Variants in AGAP1 observed in about 807,000 individuals in gnomAD.
The protein encoded by AGAP1 is arf-GAP with GTPase, ANK repeat and PH domain-containing protein 1.
Under a neutral mutation model 105.3 loss-of-function variants are expected in AGAP1, and 29 were observed. That is an observed-to-expected ratio of 0.28 (90% confidence interval 0.21 to 0.38). The LOEUF (loss-of-function observed/expected upper bound fraction) is 0.38. Ranked by LOEUF, AGAP1 falls within the 10% of genes least tolerant of loss-of-function variation. The pLI, the probability that AGAP1 is intolerant of heterozygous loss-of-function variation, is 1.00. For synonymous variants in AGAP1, 509 were observed against 485.9 expected (o/e 1.05, Z -0.63); for missense variants, 998 against 1,165.1 (o/e 0.86, Z 2.09).
At position 236,036,757 on chromosome 2, in the gene AGAP1, A is replaced by AG. The variant is rs2057395001; in HGVS notation, c.1800+47dup. 2 of 1,611,310 alleles carry AG rather than the reference A, an allele frequency of 1.2e-6. No homozygotes were observed. Among genetic ancestry groups the AG allele is most frequent in the Non-Finnish European group, 1.7e-6 (2 of 1,178,970 alleles). On this transcript the variant is annotated intron_variant, in intron 14 of 17. Coordinates refer to ENST00000304032, the MANE Select transcript of AGAP1 (RefSeq NM_001037131.3). This position sits in a 1 kb window ranked among gnomAD's most constrained non-coding sequence, Gnocchi z 5.7. ...CCCAAAACCAAGGCTGGGGCTGCTC[A>AG]GGGGGAGTGCGGGCCCCAAGTAATG...
In AGAP1 at chr2:235,612,466, C is replaced by A. The variant is rs988380047; in HGVS notation, c.164-96713C>A. 6.6e-6 allele frequency among the ~76,000 whole-genome samples: 1 copy of A among 152,238 alleles called. No individual in the cohort carries two copies. The highest frequency in any genetic ancestry group is 2.4e-5 in the African/African-American group (1 of 41,466). ...GGGGCAGCGCCTAGAGTGCTGGGCC[C>A]TTCCAGATGATCTATGAATTGGTCT... On this transcript the variant is annotated intron_variant, in intron 1 of 17. Coordinates refer to ENST00000304032, the MANE Select transcript of AGAP1 (RefSeq NM_001037131.3). The surrounding 1 kb of genome is among the most constrained non-coding windows in gnomAD (Gnocchi z 4.3).
intron 1 of AGAP1, among the ~76,000 whole-genome samples, chr2:235,516,878 G>A (rs554006277): frequency 1.3e-5 from 2 of 152,312 alleles, no homozygotes; most frequent in Admixed American, 1.3e-4. Context: ...TTCTTTGGTT[G>A]CCCTCTGCAA....
Position 235,620,662 on chromosome 2 carries a change from C to T in AGAP1, c.164-88517C>T, listed in dbSNP as rs1053198561. On this transcript the variant is annotated intron_variant, in intron 1 of 17. Transcript: ENST00000304032. This position sits in a 1 kb window ranked among gnomAD's most constrained non-coding sequence, Gnocchi z 4.5. ...CTGCTTCCTATTTCCCCATAAACCC[C>T]AGCTCCCTGACATGTCTGGTGTCTC... 6.6e-6 allele frequency among the ~76,000 whole-genome samples: 1 copy of T among 152,156 alleles called. No homozygotes were observed. Among genetic ancestry groups the T allele is most frequent in the Non-Finnish European group, 1.5e-5 (1 of 68,038 alleles).
intron 11 of AGAP1, among the ~76,000 whole-genome samples, chr2:235,913,414 A>G (rs2051716971): frequency 6.6e-6 from 1 of 152,198 alleles, no homozygotes; most frequent in Non-Finnish European, 1.5e-5. Context: ...ATTCAAATAA[A>G]TAATCAACTG....
At chr2:235,838,165 G>A (rs185611879) in intron 9 of AGAP1, among the ~76,000 whole-genome samples, 1 of 152,128 alleles carries the variant, frequency 6.6e-6, no homozygotes, top group African/African-American at 2.4e-5. Context: ...CAGCCTGGGT[G>A]GCAGAGTGAG....
At chr2:235,630,419 C>T (rs1265382128) in intron 1 of AGAP1, among the ~76,000 whole-genome samples, 1 of 152,160 alleles carries the variant, frequency 6.6e-6, no homozygotes, top group Non-Finnish European at 1.5e-5. Flanking sequence ...CCATGTTGAT[C>T]AGGCTGGTCT....
At position 235,721,500 on chromosome 2, in the gene AGAP1, TGTGTACACCTAG is replaced by T. The variant is rs1454808395; in HGVS notation, c.310+3861_310+3872del. ...TTATGTGTGTGTGTGTGTGTGTGTG[TGTGTACACCTAG>T]GTGTGTAATATATGTATGTGTACTT... On this transcript the variant is annotated intron_variant, in intron 3 of 17. Transcript: ENST00000304032. This position sits in a 1 kb window ranked among gnomAD's most constrained non-coding sequence, Gnocchi z 4.5. Among the ~76,000 whole-genome samples, 1 of 151,878 alleles carries T rather than the reference TGTGTACACCTAG, an allele frequency of 6.6e-6. No individual in the cohort carries two copies. The highest frequency in any genetic ancestry group is 1.5e-5 in the Non-Finnish European group (1 of 67,970).
intron 16 of AGAP1, among the ~76,000 whole-genome samples, chr2:236,108,783 C>T (rs1417586511): frequency 1.3e-5 from 2 of 151,952 alleles, no homozygotes; most frequent in African/African-American, 2.4e-5. Context: ...CCCCCCAGAG[C>T]GCCCCAGCCC....
chr2:235,590,686 CGTGTGCGTGTGTGTGTGTGTGTGTGT>C (rs1945301251), intron 1 of AGAP1, among the ~76,000 whole-genome samples: 1 of 49,012 alleles, frequency 2.0e-5, no homozygotes, highest in Non-Finnish European at 4.1e-5. Flanking sequence ...TGTGTGTGTG[CGTGTGCGTGTGTGTGTGTGTGTGTGT>C]GCATTTTTTT....
At chr2:236,011,835 G>A (rs1576053368) in intron 13 of AGAP1, among the ~76,000 whole-genome samples, 2 of 152,040 alleles carry the variant, frequency 1.3e-5, no homozygotes, top group Non-Finnish European at 1.5e-5. Flanking sequence ...CCAGAGGGAG[G>A]CTGCCAGTGG....
rs555068677 is a variant in AGAP1 at position 235,793,677 on chromosome 2, G to C, written c.674-4082G>C. ...CAAAAAGGAGGAAGGGGGAGGAGGA[G>C]GAGCTGTCCTCTGGTTATAGAGGGC... On this transcript the variant is annotated intron_variant, in intron 6 of 17. Transcript: ENST00000304032. The surrounding 1 kb of genome is among the most constrained non-coding windows in gnomAD (Gnocchi z 5.3). 6.6e-6 allele frequency among the ~76,000 whole-genome samples: 1 copy of C among 152,166 alleles called. No homozygotes were observed. Among genetic ancestry groups the C allele is most frequent in the African/African-American group, 2.4e-5 (1 of 41,442 alleles).
rs1245972797 is a variant in AGAP1 at position 236,009,414 on chromosome 2, C to T, written c.1646-27147C>T. 6.6e-6 allele frequency among the ~76,000 whole-genome samples: 1 copy of T among 152,138 alleles called. No individual in the cohort carries two copies. The highest frequency in any genetic ancestry group is 1.9e-4 in the East Asian group (1 of 5,180). On this transcript the variant is annotated intron_variant, in intron 13 of 17. Transcript: ENST00000304032. This position sits in a 1 kb window ranked among gnomAD's most constrained non-coding sequence, Gnocchi z 4.2. ...GGGGATGATCTTTGTGTAAAGGATC[C>T]TGGTGCCGCAGTCAGCCTGAAACAC... is the stretch of plus-strand genomic sequence containing the variant.
chr2:235,651,551 A>T (rs1947595028), intron 1 of AGAP1, among the ~76,000 whole-genome samples: 1 of 152,230 alleles, frequency 6.6e-6, no homozygotes, highest in Non-Finnish European at 1.5e-5. Flanking sequence ...TTATTGAACA[A>T]ATCAGCAAAG....
Position 235,883,985 on chromosome 2 carries a change from A to G in AGAP1, c.1155+536A>G, listed in dbSNP as rs1250240037. 6.6e-6 allele frequency among the ~76,000 whole-genome samples: 1 copy of G among 152,252 alleles called. No homozygotes were observed. The highest frequency in any genetic ancestry group is 2.4e-5 in the African/African-American group (1 of 41,470). On this transcript the variant is annotated intron_variant, in intron 10 of 17. Coordinates refer to ENST00000304032, the MANE Select transcript of AGAP1 (RefSeq NM_001037131.3). The surrounding 1 kb of genome is among the most constrained non-coding windows in gnomAD (Gnocchi z 4.5). ...TATAAGTTTGTTATATCCGTGGTGT[A>G]TAAGATAGATGTATAAACAAAATTA...
intron 11 of AGAP1, among the ~76,000 whole-genome samples, chr2:235,925,478 C>T (rs1329925559): frequency 2.0e-5 from 3 of 152,124 alleles, no homozygotes; most frequent in African/African-American, 4.8e-5. Context: ...AGGGTTGGGG[C>T]GTGGCTTCCT....
chr2:235,962,265 C>T lies in AGAP1; in HGVS notation c.1484-6197C>T, dbSNP rs559523798. 6.6e-6 allele frequency among the ~76,000 whole-genome samples: 1 copy of T among 152,048 alleles called. No homozygotes were observed. The highest frequency in any genetic ancestry group is 2.4e-5 in the African/African-American group (1 of 41,492). On this transcript the variant is annotated intron_variant, in intron 12 of 17. Coordinates refer to ENST00000304032, the MANE Select transcript of AGAP1 (RefSeq NM_001037131.3). This position sits in a 1 kb window ranked among gnomAD's most constrained non-coding sequence, Gnocchi z 5.3. Reference sequence around the variant, plus strand: ...GGTACACTGACCACACAGAGGAGGCCGGTGTGCATGGCACCACCCTCTCCC... The same window carrying T: ...GGTACACTGACCACACAGAGGAGGCTGGTGTGCATGGCACCACCCTCTCCC...
chr2:235,929,368 G>A (rs2052608659), intron 11 of AGAP1, among the ~76,000 whole-genome samples: 1 of 152,118 alleles, frequency 6.6e-6, no homozygotes, highest in Non-Finnish European at 1.5e-5. Flanking sequence ...CAACCTCTGT[G>A]GCTTTCCGAT....
chr2:235,905,610 C>A lies in AGAP1; in HGVS notation c.1156-3128C>A, dbSNP rs1464667624. The stretch of plus-strand genomic sequence containing the variant: ...TGTCTCCCAGGTTCAAGCGATTCTC[C>A]TGCCTTAGCCTCCCAAGTAGCTGGG... On this transcript the variant is annotated intron_variant, in intron 10 of 17. Transcript: ENST00000304032. The surrounding 1 kb of genome is among the most constrained non-coding windows in gnomAD (Gnocchi z 4.2). 2.0e-5 allele frequency among the ~76,000 whole-genome samples: 3 copies of A among 152,178 alleles called. No homozygotes were observed. Among genetic ancestry groups the A allele is most frequent in the Non-Finnish European group, 4.4e-5 (3 of 68,042 alleles).
rs542635586 is a variant in AGAP1 at position 235,763,173 on chromosome 2, C to A, written c.673+12685C>A. 3.3e-5 allele frequency among the ~76,000 whole-genome samples: 5 copies of A among 152,068 alleles called. No homozygotes were observed. The South Asian group carries it at 1.0e-3, about 32-fold the overall frequency. ...GTGGAGCATCCCTAATCTGAAAATCCAAATCTTAAACTGGAAATGCTCCAA... is the reference window on the plus strand; with the variant it reads ...GTGGAGCATCCCTAATCTGAAAATCAAAATCTTAAACTGGAAATGCTCCAA... On this transcript the variant is annotated intron_variant, in intron 6 of 17. Coordinates refer to ENST00000304032, the MANE Select transcript of AGAP1 (RefSeq NM_001037131.3).
Sources: gnomAD v4.1 joint callset for allele counts (sites outside exome capture counted in the v4.1 genomes callset) on GRCh38, gnomAD v4.1.1 for gene constraint, Gnocchi (gnomAD v3.1) non-coding constraint, MANE v1.5 for transcripts, NCBI Gene and HGNC (gene_info 2026-07-23, HGNC 2026-07-21) for gene names.